Variants in PPM1L observed in about 807,000 individuals in gnomAD.
The protein encoded by PPM1L is protein phosphatase, Mg2+/Mn2+ dependent 1L.
Under a neutral mutation model 31.4 loss-of-function variants are expected in PPM1L, and 13 were observed. That is an observed-to-expected ratio of 0.41 (90% CI 0.27 to 0.66). The LOEUF is 0.66. Among genes scored for constraint, PPM1L ranks in the 30% least tolerant of loss-of-function variants. The pLI is 0.29. For synonymous variants in PPM1L, 184 were observed against 175.4 expected, an observed-to-expected ratio of 1.05 and a Z score of -0.39; for missense variants, 326 against 453.7, an observed-to-expected ratio of 0.72 and a Z score of 2.56.
At chr3:161,004,454 T>C (rs896856874) in intron 2 of PPM1L, among the ~76,000 whole-genome samples, 1 of 140,608 alleles carries the variant, frequency 7.1e-6, no homozygotes, top group African/African-American at 2.7e-5. Flanking sequence ...AATTCGGCTG[T>C]GAATCCATCT....
intron 2 of PPM1L, among the ~76,000 whole-genome samples, chr3:161,032,980 C>A (rs1718624517): frequency 6.6e-6 from 1 of 151,206 alleles, no homozygotes; most frequent in African/African-American, 2.4e-5. Context: ...CAGGCATGAG[C>A]CACCGCCCCT....
rs1719904653 is a variant in PPM1L at position 161,071,141 on chromosome 3, C to G, written c.*1984C>G. 1 of 152,196 alleles carries G rather than the reference C, an allele frequency of 6.6e-6. No individual in the cohort carries two copies. The highest frequency in any genetic ancestry group is 2.4e-5 in the African/African-American group (1 of 41,422). 9.4% of individuals were successfully genotyped at this position (152,196 alleles called of 1,614,324 possible). On this transcript the variant is annotated 3_prime_UTR_variant, in exon 4 of 4. Coordinates refer to ENST00000498165, the MANE Select transcript of PPM1L (RefSeq NM_139245.4). The stretch of plus-strand genomic sequence containing the variant: ...GTGGAAAACAAATGCTGGCTGTGAG[C>G]AGTGCTGAGATGGCCAGGCCAGGCG...
At chr3:160,763,355 A>G (rs7640802) in intron 1 of PPM1L, among the ~76,000 whole-genome samples, 4,767 of 152,286 alleles carry the variant, frequency 0.031, 188 homozygotes, top group African/African-American at 0.09. Flanking sequence ...GTTTCAGCAT[A>G]GATTCCATCC....
rs1427763413 is a variant in PPM1L at position 160,944,852 on chromosome 3, ATATAT to A, written c.400-16878_400-16874del. ...ATAACATATATATGTTATATATAACATATATTATATATAATGTTATATATAACATA... is the reference window on the plus strand; with the variant it reads ...ATAACATATATATGTTATATATAACATATATATAATGTTATATATAACATA... On this transcript the variant is annotated intron_variant, in intron 1 of 3. Transcript: ENST00000498165. 9.9e-5 allele frequency among the ~76,000 whole-genome samples: 4 copies of A among 40,222 alleles called. 2 individuals carry two copies. The highest frequency in any genetic ancestry group is 1.2e-3 in the South Asian group (2 of 1,690). 26.4% of individuals were successfully genotyped at this position (40,222 alleles called of 152,430 possible).
intron 1 of PPM1L, among the ~76,000 whole-genome samples, chr3:160,857,191 T>C (rs1323803773): frequency 6.6e-6 from 1 of 152,202 alleles, no homozygotes; most frequent in Non-Finnish European, 1.5e-5. Context: ...AAGGTCATGG[T>C]TTCTTCCTTC....
At position 161,069,528 on chromosome 3, in the gene PPM1L, G is replaced by T. The variant is rs890476579; in HGVS notation, c.*371G>T. 8.2e-6 allele frequency: 2 copies of T among 245,002 alleles called. No individual in the cohort carries two copies. Among genetic ancestry groups the T allele is most frequent in the African/African-American group, 4.6e-5 (2 of 43,804 alleles). The allele number at this position is 245,002 out of a possible 1,614,324, so 15.2% of individuals were successfully genotyped here. A position where few individuals can be genotyped will look rare whatever the true frequency, so the allele number is the denominator to read the frequency against. ...GCATCAGCTGTTGTGTCCTCTCTTTGTAACAGTGGACAGGACAGACCACCC... is the reference window on the plus strand; with the variant it reads ...GCATCAGCTGTTGTGTCCTCTCTTTTTAACAGTGGACAGGACAGACCACCC... On this transcript the variant is annotated 3_prime_UTR_variant, in exon 4 of 4. Coordinates refer to ENST00000498165, the MANE Select transcript of PPM1L (RefSeq NM_139245.4).
chr3:160,980,583 G>A (rs965193812), intron 2 of PPM1L, among the ~76,000 whole-genome samples: 12 of 151,910 alleles, frequency 7.9e-5, no homozygotes, highest in African/African-American at 1.5e-4. Context: ...TGAGAGGATC[G>A]CTTGAGCCCT....
rs1719889723 is a variant in PPM1L at position 161,070,841 on chromosome 3, T to A, written c.*1684T>A. ...AATTTGAGAGAGTGAAGAAATTGCC[T>A]TGTAGATGTGGAGGGCTGCAATCTG... On this transcript the variant is annotated 3_prime_UTR_variant, in exon 4 of 4. Coordinates refer to ENST00000498165, the MANE Select transcript of PPM1L (RefSeq NM_139245.4). 1 of 152,172 alleles carries A rather than the reference T, an allele frequency of 6.6e-6. No homozygotes were observed. Among genetic ancestry groups the A allele is most frequent in the Non-Finnish European group, 1.5e-5 (1 of 68,048 alleles). The allele number at this position is 152,172 out of a possible 1,614,324, so 9.4% of individuals were successfully genotyped here. A position where few individuals can be genotyped will look rare whatever the true frequency, so the allele number is the denominator to read the frequency against.
At chr3:160,996,652 G>A (rs1433865922) in intron 2 of PPM1L, among the ~76,000 whole-genome samples, 2 of 151,944 alleles carry the variant, frequency 1.3e-5, no homozygotes, top group Non-Finnish European at 2.9e-5. Context: ...GGGTGAGAGG[G>A]GAGCAAAGGA....
At chr3:160,903,780 C>T (rs980460942) in intron 1 of PPM1L, among the ~76,000 whole-genome samples, 5 of 151,834 alleles carry the variant, frequency 3.3e-5, no homozygotes, top group African/African-American at 4.8e-5. Flanking sequence ...ACCACTTGTT[C>T]TCTAGGCGTC....
intron 2 of PPM1L, among the ~76,000 whole-genome samples, chr3:160,967,737 GT>G (rs1716202097): frequency 1.3e-5 from 2 of 151,960 alleles, no homozygotes; most frequent in South Asian, 4.1e-4. Flanking sequence ...GATATGTTTT[GT>G]GGTATAGTTG....
intron 2 of PPM1L, among the ~76,000 whole-genome samples, chr3:160,995,340 A>G (rs1375812430): frequency 6.6e-6 from 1 of 151,914 alleles, no homozygotes; most frequent in Non-Finnish European, 1.5e-5. Flanking sequence ...TTTTCTTTTG[A>G]GACAGAGTCT....
At chr3:161,063,786 T>TA (rs1277782466) in intron 2 of PPM1L, among the ~76,000 whole-genome samples, 1 of 152,184 alleles carries the variant, frequency 6.6e-6, no homozygotes, top group Non-Finnish European at 1.5e-5. Flanking sequence ...CCATCAATGA[T>TA]AGACTGGATA....
At chr3:160,976,784 C>T (rs186023666) in intron 2 of PPM1L, among the ~76,000 whole-genome samples, 50 of 152,152 alleles carry the variant, frequency 3.3e-4, no homozygotes, top group African/African-American at 1.2e-3. Flanking sequence ...TATTAGTCTG[C>T]TAGCGGTCTA....
chr3:160,951,839 A>C (rs1227924128), intron 1 of PPM1L, among the ~76,000 whole-genome samples: 2 of 152,196 alleles, frequency 1.3e-5, no homozygotes, highest in African/African-American at 2.4e-5. Flanking sequence ...TCACACACTG[A>C]GTGTTATGCC....
At chr3:160,924,949 G>T (rs1714536472) in intron 1 of PPM1L, among the ~76,000 whole-genome samples, 1 of 152,156 alleles carries the variant, frequency 6.6e-6, no homozygotes, top group African/African-American at 2.4e-5. Flanking sequence ...AAACCTCATT[G>T]CAGACATGCT....
chr3:160,960,184 A>G (rs139876976), intron 1 of PPM1L, among the ~76,000 whole-genome samples: 187 of 152,248 alleles, frequency 1.2e-3, no homozygotes, highest in African/African-American at 4.3e-3. Context: ...TGTTTAATGC[A>G]TACTTATTTT....
intron 1 of PPM1L, among the ~76,000 whole-genome samples, chr3:160,786,147 C>G (rs1343139402): frequency 1.9e-4 from 17 of 91,158 alleles, no homozygotes; most frequent in African/African-American, 1.2e-3. Context: ...CTCTCTCTCT[C>G]TCTCTCTCTC....
chr3:160,824,404 A>G (rs1468051478), intron 1 of PPM1L, among the ~76,000 whole-genome samples: 2 of 152,188 alleles, frequency 1.3e-5, no homozygotes, highest in African/African-American at 4.8e-5. Flanking sequence ...AAGTGTGCTT[A>G]TTAAAGTACT....
Sources: gnomAD v4.1 joint callset for allele counts (sites outside exome capture counted in the v4.1 genomes callset) on GRCh38, gnomAD v4.1.1 for gene constraint, MANE v1.5 for transcripts, NCBI Gene and HGNC (gene_info 2026-07-23, HGNC 2026-07-21) for gene names.